The following NAV1 variants were observed in gnomAD, a reference collection of about 807,000 sequenced individuals.
NAV1 encodes the protein neuron navigator 1.
A neutral mutation model predicts 175.2 loss-of-function variants in NAV1; 18 were observed. The observed-to-expected ratio is 0.10, with a 90% CI of 0.07 to 0.15. NAV1 has a LOEUF of 0.15. NAV1 is among the 10% of genes least tolerant of loss of function. NAV1 has a pLI of 1.00. For missense variants in NAV1, 1,731 were observed against 2,436.6 expected (o/e 0.71, Z 6.10); for synonymous variants, 897 against 978.7 (o/e 0.92, Z 1.56).
intron 3 of NAV1, among the ~76,000 whole-genome samples, chr1:201,772,399 C>T (rs534940354): frequency 3.9e-5 from 6 of 152,150 alleles, no homozygotes; most frequent in Non-Finnish European, 7.3e-5. Flanking sequence ...GTGTGAGGAC[C>T]GGCTCCTCAT....
At chr1:201,701,892 A>C (rs940151689) in intron 1 of NAV1, among the ~76,000 whole-genome samples, 1 of 152,280 alleles carries the variant, frequency 6.6e-6, no homozygotes, top group Non-Finnish European at 1.5e-5. Context: ...TACATTCAAA[A>C]GAAATGAAAA....
At chr1:201,778,363 G>T (rs1025767466) in intron 3 of NAV1, among the ~76,000 whole-genome samples, 3 of 152,192 alleles carry the variant, frequency 2.0e-5, no homozygotes, top group African/African-American at 7.2e-5. Context: ...AATCTCAGAT[G>T]AAATATTCAG....
intron 3 of NAV1, among the ~76,000 whole-genome samples, chr1:201,729,933 C>T (rs369496716): frequency 4.6e-5 from 7 of 152,220 alleles, no homozygotes; most frequent in African/African-American, 1.7e-4. Flanking sequence ...AAAAATAACA[C>T]TTGGCATGCA....
chr1:201,765,758 G>A (rs1046673840), intron 3 of NAV1, among the ~76,000 whole-genome samples: 2 of 152,166 alleles, frequency 1.3e-5, no homozygotes, highest in African/African-American at 4.8e-5. Flanking sequence ...GTTTGAGTAA[G>A]AATTCATTAC....
chr1:201,559,754 G>C (rs1666142149), intron 1 of NAV1, among the ~76,000 whole-genome samples: 1 of 152,216 alleles, frequency 6.6e-6, no homozygotes, highest in Non-Finnish European at 1.5e-5. Context: ...TAAAGGCGGT[G>C]TAGAGGGATT....
intron 1 of NAV1, among the ~76,000 whole-genome samples, chr1:201,692,894 G>A (rs1671015037): frequency 6.6e-6 from 1 of 152,238 alleles, no homozygotes. Flanking sequence ...GAGACAATAA[G>A]CCAATAGGGA....
intron 1 of NAV1, 130 bp from the exon 6 acceptor site, chr1:201,712,684 GGGA>G: frequency 1.5e-6 from 1 of 679,000 alleles, no homozygotes; most frequent in East Asian, 2.6e-5. Flanking sequence ...CTTTGGGAAA[GGGA>G]GGAGGAAGGT....
At chr1:201,587,393 T>C (rs190500492) in intron 1 of NAV1, among the ~76,000 whole-genome samples, 2 of 152,228 alleles carry the variant, frequency 1.3e-5, no homozygotes, top group South Asian at 2.1e-4. Context: ...CTAGAATACA[T>C]GAAGAATGAT....
exon 1 of NAV1, chr1:201,648,273 C>G (rs1669044940): frequency 1.9e-6 from 2 of 1,055,586 alleles, no homozygotes; most frequent in Admixed American, 1.1e-4. Context: ...GCAGGCAGGC[C>G]GCGGGCTGGG....
intron 1 of NAV1, among the ~76,000 whole-genome samples, chr1:201,571,810 G>A (rs1666552196): frequency 1.3e-5 from 2 of 152,202 alleles, no homozygotes; most frequent in Non-Finnish European, 2.9e-5. Flanking sequence ...TCATCAATGT[G>A]TACAAAGATC....
intron 2 of NAV1, among the ~76,000 whole-genome samples, chr1:201,638,712 G>A (rs1571856551): frequency 6.6e-6 from 1 of 152,364 alleles, no homozygotes; most frequent in Non-Finnish European, 1.5e-5. Context: ...GCAGCCTGCT[G>A]TGTGGTCTTG....
intron 2 of NAV1, among the ~76,000 whole-genome samples, chr1:201,597,916 A>G (rs1297865320): frequency 6.6e-6 from 1 of 152,110 alleles, no homozygotes; most frequent in Non-Finnish European, 1.5e-5. Flanking sequence ...AGAGTCGGGG[A>G]AGTAGGCCCC....
intron 2 of NAV1, among the ~76,000 whole-genome samples, chr1:201,608,636 C>T (rs191474213): frequency 5.6e-4 from 86 of 152,358 alleles, no homozygotes; most frequent in African/African-American, 2.0e-3. Context: ...ACCTGTCAGC[C>T]TCCTGGTGTC....
At chr1:201,665,901 C>G (rs61053545) in intron 1 of NAV1, among the ~76,000 whole-genome samples, 1,795 of 152,054 alleles carry the variant, frequency 0.012, 30 homozygotes, top group African/African-American at 0.042. Context: ...AACTGCTCTT[C>G]TTAAGATTTT....
intron 1 of NAV1, among the ~76,000 whole-genome samples, chr1:201,698,133 G>A (rs1671267552): frequency 6.6e-6 from 1 of 152,314 alleles, no homozygotes; most frequent in South Asian, 2.1e-4. Flanking sequence ...CTTTGCATAG[G>A]CTGTATCCTT....
At chr1:201,666,381 C>T (rs1412928026) in intron 1 of NAV1, among the ~76,000 whole-genome samples, 3 of 152,050 alleles carry the variant, frequency 2.0e-5, no homozygotes, top group African/African-American at 7.2e-5. Context: ...TATATTATCT[C>T]AAGCAGCTCT....
intron 2 of NAV1, among the ~76,000 whole-genome samples, chr1:201,630,943 TGA>T (rs1280183063): frequency 2.0e-5 from 3 of 152,244 alleles, no homozygotes; most frequent in African/African-American, 7.2e-5. Context: ...GATGAGTTGA[TGA>T]GAGGTCTTTT....
chr1:201,810,790 T>C lies in NAV1; in HGVS notation c.4797+32T>C, dbSNP rs1486923439. Reference sequence around the variant, plus strand: ...GCCCCCCGACACCCCTGCCAGCCTTTGTTCATGCCTCAGCCTTCCCTAAGA... The same window carrying C: ...GCCCCCCGACACCCCTGCCAGCCTTCGTTCATGCCTCAGCCTTCCCTAAGA... On this transcript the variant is annotated intron_variant, in intron 24 of 29. Transcript: ENST00000367296. The surrounding 1 kb of genome is among the most constrained non-coding windows in gnomAD (Gnocchi z 6.0). 4.5e-6 allele frequency: 7 copies of C among 1,563,874 alleles called. No homozygotes were observed. In the African/African-American group the frequency reaches 5.4e-5, roughly 12 times the overall value.
chr1:201,572,992 AG>A (rs35701267), intron 1 of NAV1, among the ~76,000 whole-genome samples: 28,480 of 152,132 alleles, frequency 0.19, 2,980 homozygotes, highest in African/African-American at 0.29. Flanking sequence ...TGAGCCCAGC[AG>A]CCCAAGGTCA....
Sources: allele counts gnomAD v4.1 joint callset (sites outside exome capture counted in the v4.1 genomes callset), GRCh38; gene constraint gnomAD v4.1.1; non-coding constraint Gnocchi (gnomAD v3.1); transcripts MANE v1.5; gene names NCBI Gene and HGNC (gene_info 2026-07-23, HGNC 2026-07-21).